BACE2: variants seen among roughly 807,000 people sequenced by gnomAD.
The protein encoded by BACE2 is beta-secretase 2, also known as 56 kDa aspartic-like protease.
Under a neutral mutation model 46.2 loss-of-function variants are expected in BACE2, and 17 were observed. The ratio of observed to expected loss-of-function variants is 0.37; its 90% CI spans 0.25 to 0.55. The LOEUF (loss-of-function observed/expected upper bound fraction) is 0.55, where lower values mean the gene tolerates loss of function less well. Among genes scored for constraint, BACE2 ranks in the 20% least tolerant of loss-of-function variants. The pLI, the probability that BACE2 is intolerant of heterozygous loss-of-function variation, is 0.82. For missense variants in BACE2, 595 were observed against 698.1 expected (o/e 0.85, Z 1.66); for synonymous variants, 277 against 295.9 (o/e 0.94, Z 0.66).
chr21:41,271,013 A>T (rs1051522826), intron 8 of BACE2, among the ~76,000 whole-genome samples: 4 of 152,174 alleles, frequency 2.6e-5, no homozygotes, highest in Non-Finnish European at 5.9e-5. Flanking sequence ...TAGGATTTTT[A>T]TGTCCTATTT....
At chr21:41,221,103 C>T (rs899524981) in intron 1 of BACE2, among the ~76,000 whole-genome samples, 8 of 151,074 alleles carry the variant, frequency 5.3e-5, no homozygotes, top group Admixed American at 1.3e-4. Context: ...TCACTTCAAA[C>T]CTTCATCCCC....
chr21:41,169,467 A>AC (rs60722949), intron 1 of BACE2, among the ~76,000 whole-genome samples: 1 of 147,958 alleles, frequency 6.8e-6, no homozygotes, highest in African/African-American at 2.5e-5. Context: ...AAAAAAAAAA[A>AC]TCCCAATTGA....
At chr21:41,173,639 A>G (rs1391898264) in intron 1 of BACE2, among the ~76,000 whole-genome samples, 1 of 152,072 alleles carries the variant, frequency 6.6e-6, no homozygotes, top group Non-Finnish European at 1.5e-5. Flanking sequence ...CCAGCTACTC[A>G]GGAGGCTGAG....
chr21:41,181,831 A>G (rs1222691370), intron 1 of BACE2: 2 of 167,040 alleles, frequency 1.2e-5, no homozygotes, highest in Non-Finnish European at 2.9e-5. Flanking sequence ...GAAACTGTCT[A>G]TCCTGGGGGT....
intron 8 of BACE2, among the ~76,000 whole-genome samples, chr21:41,264,251 A>G (rs1386508261): frequency 6.7e-6 from 1 of 150,126 alleles, no homozygotes; most frequent in Non-Finnish European, 1.5e-5. Context: ...TTCGATGACT[A>G]TATTTTTCAT....
At chr21:41,243,605 T>C (rs1207031477) in intron 5 of BACE2, 95 bp downstream of exon 5, 1 of 1,300,936 alleles carries the variant, frequency 7.7e-7, no homozygotes, top group African/African-American at 1.5e-5. Flanking sequence ...AGAAGGTACA[T>C]TACCTCGTAA....
intron 4 of BACE2, 26 bp downstream of exon 4, chr21:41,241,973 G>A: frequency 6.2e-7 from 1 of 1,609,712 alleles, no homozygotes; most frequent in South Asian, 1.1e-5. Context: ...TCTTAAAGGG[G>A]CGAAAAATCA....
rs4256038 is a variant in BACE2 at position 41,174,519 on chromosome 21, T to C, written c.312+5944T>C. On this transcript the variant is annotated intron_variant, in intron 1 of 8. Coordinates refer to ENST00000330333, the MANE Select transcript of BACE2 (RefSeq NM_012105.5). The stretch of plus-strand genomic sequence containing the variant: ...GAGGGAGGAATTTAAAGGTGGTGTT[T>C]CTCTCCTTCTCCCTAGTATCTGACA... Among the ~76,000 whole-genome samples, 580 of 152,224 alleles carry C rather than the reference T, an allele frequency of 3.8e-3. 8 individuals are homozygous for C. Among genetic ancestry groups the C allele is most frequent in the African/African-American group, 0.013 (555 of 41,524 alleles).
chr21:41,271,587 CCTT>C (rs2088435426), intron 8 of BACE2, among the ~76,000 whole-genome samples: 1 of 151,818 alleles, frequency 6.6e-6, no homozygotes, highest in African/African-American at 2.4e-5. Context: ...TTTTTTGCTG[CCTT>C]CTTTTGGATT....
At chr21:41,216,078 G>A (rs1049625781) in intron 1 of BACE2, among the ~76,000 whole-genome samples, 4 of 152,312 alleles carry the variant, frequency 2.6e-5, no homozygotes, top group East Asian at 3.9e-4. Context: ...TTGAGAGCGC[G>A]TCGTGTGAAA....
At chr21:41,241,610 C>T (rs190560444) in intron 3 of BACE2, 65 of 545,108 alleles carry the variant, frequency 1.2e-4, no homozygotes, top group African/African-American at 7.7e-5. Flanking sequence ...ACAACAGAGC[C>T]GTGCCCAAAG....
At chr21:41,244,402 A>G (rs1987396289) in intron 5 of BACE2, among the ~76,000 whole-genome samples, 1 of 151,992 alleles carries the variant, frequency 6.6e-6, no homozygotes. Flanking sequence ...ACTTTATAAG[A>G]TTTGGGTAGG....
rs556898714 is a variant in BACE2, at chr21:41,199,927, G to A, written c.313-26339G>A. On this transcript the variant is annotated intron_variant, in intron 1 of 8. Coordinates refer to ENST00000330333, the MANE Select transcript of BACE2 (RefSeq NM_012105.5). The stretch of plus-strand genomic sequence containing the variant: ...GCGGTGTTTGGTTTTTTGTCCTTGC[G>A]ACAGTTTGCTGAGAATGATGGTTTC... Among the ~76,000 whole-genome samples the A allele has an allele frequency of 3.3e-5, 5 of 151,684 alleles. No homozygotes were observed. In the East Asian group the frequency reaches 7.8e-4, roughly 24 times the overall value.
intron 1 of BACE2, among the ~76,000 whole-genome samples, chr21:41,185,748 G>A (rs1192830551): frequency 6.6e-6 from 1 of 152,186 alleles, no homozygotes; most frequent in African/African-American, 2.4e-5. Context: ...CGCCAAAGCA[G>A]CTGTGCACAG....
At chr21:41,199,802 G>T (rs1051952369) in intron 1 of BACE2, among the ~76,000 whole-genome samples, 1 of 152,132 alleles carries the variant, frequency 6.6e-6, no homozygotes, top group African/African-American at 2.4e-5. Context: ...GCCAGGGGCG[G>T]GGATGGCTGC....
intron 5 of BACE2, 70 bp downstream of exon 5, chr21:41,243,580 C>A: frequency 6.9e-7 from 1 of 1,444,866 alleles, no homozygotes; most frequent in Non-Finnish European, 9.2e-7. Flanking sequence ...CCAGCTGGAA[C>A]CCGTAGATGC....
chr21:41,240,525 G>A (rs1218545474), intron 3 of BACE2, among the ~76,000 whole-genome samples: 1 of 152,222 alleles, frequency 6.6e-6, no homozygotes, highest in East Asian at 1.9e-4. Flanking sequence ...CCTTATCCCT[G>A]TTTCACAGGG....
chr21:41,256,253 CT>C (rs1455455834), intron 7 of BACE2, among the ~76,000 whole-genome samples: 4 of 152,134 alleles, frequency 2.6e-5, no homozygotes, highest in African/African-American at 9.7e-5. Context: ...CCTCTACCCC[CT>C]GACAGGTCCT....
At chr21:41,245,188 T>G (rs1049629953) in intron 5 of BACE2, among the ~76,000 whole-genome samples, 2 of 152,256 alleles carry the variant, frequency 1.3e-5, no homozygotes, top group Admixed American at 6.5e-5. Context: ...TATATTTCAT[T>G]TTCTTAAAAT....
Sources: allele counts gnomAD v4.1 joint callset (sites outside exome capture counted in the v4.1 genomes callset), GRCh38; gene constraint gnomAD v4.1.1; transcripts MANE v1.5; gene names NCBI Gene and HGNC (gene_info 2026-07-23, HGNC 2026-07-21).